The following TLK1 variants were observed in gnomAD, a reference collection of about 807,000 sequenced individuals.
TLK1 encodes serine/threonine-protein kinase tousled-like 1.
A neutral mutation model predicts 105.3 loss-of-function variants in TLK1; 24 were observed. That is an observed-to-expected ratio of 0.23 (90% CI 0.17 to 0.32). TLK1 has a LOEUF of 0.32. Ranked by LOEUF, TLK1 falls within the 10% of genes least tolerant of loss-of-function variation. The probability of loss-of-function intolerance (pLI) is 1.00; values close to 1 mark genes in which losing one functional copy is unlikely to be tolerated. For synonymous variants in TLK1, 321 were observed against 310.4 expected (o/e 1.03, Z -0.36); for missense variants, 558 against 910.5 (o/e 0.61, Z 4.98).
intron 3 of TLK1, among the ~76,000 whole-genome samples, chr2:171,080,782 A>G (rs1302224049): frequency 6.6e-6 from 1 of 151,208 alleles, no homozygotes; most frequent in Admixed American, 6.6e-5. Flanking sequence ...ATCATGGCTC[A>G]TTGCAGCTTC....
chr2:171,128,445 A>G (rs981597165), intron 1 of TLK1, among the ~76,000 whole-genome samples: 2 of 152,198 alleles, frequency 1.3e-5, no homozygotes, highest in Non-Finnish European at 2.9e-5. Flanking sequence ...ATAAGTTTCT[A>G]TGAATAGTTT....
chr2:171,006,837 C>T lies in TLK1; in HGVS notation c.1561G>A (p.Val521Ile). The T allele has an allele frequency of 6.2e-7, 1 of 1,613,202 alleles. No homozygotes were observed. The highest frequency in any genetic ancestry group is 1.3e-5 in the African/African-American group (1 of 75,004). Residue 521 changes from valine to isoleucine, a missense_variant, in exon 16 of 21, where the codon GTT becomes ATT. Transcript: ENST00000431350. Reference sequence around the variant, plus strand: ...AAGGAGAAATAATCATAGAGTTTAACTATTCTGGGGTGATCCAGTTCTTTG... The same window carrying T: ...AAGGAGAAATAATCATAGAGTTTAATTATTCTGGGGTGATCCAGTTCTTTG... ...IHKELDHPRI[V>I]KLYDYFSLDT... is the part of the protein sequence containing the mutation.
intron 18 of TLK1, among the ~76,000 whole-genome samples, chr2:170,999,341 A>T (rs964770292): frequency 1.3e-5 from 2 of 152,250 alleles, no homozygotes; most frequent in African/African-American, 4.8e-5. Flanking sequence ...ACCAGCAAAG[A>T]TAACCAATAA....
At chr2:171,036,376 G>A (rs537122728) in intron 11 of TLK1, among the ~76,000 whole-genome samples, 5 of 152,226 alleles carry the variant, frequency 3.3e-5, no homozygotes, top group South Asian at 2.1e-4. Context: ...AACCCAGAGC[G>A]AGACTCTGTC....
intron 1 of TLK1, among the ~76,000 whole-genome samples, chr2:171,216,341 T>A (rs1693713244): frequency 6.6e-6 from 1 of 151,750 alleles, no homozygotes; most frequent in African/African-American, 2.4e-5. Context: ...CCGGGTGTGG[T>A]GGTGGGCGCC....
At chr2:171,042,750 G>C (rs1322634359) in intron 11 of TLK1, among the ~76,000 whole-genome samples, 2 of 151,502 alleles carry the variant, frequency 1.3e-5, no homozygotes, top group Non-Finnish European at 2.9e-5. Flanking sequence ...TCCTTTTGAA[G>C]ACAGCATTTA....
chr2:171,122,319 G>A (rs561820596), intron 1 of TLK1, among the ~76,000 whole-genome samples: 1 of 152,214 alleles, frequency 6.6e-6, no homozygotes, highest in East Asian at 1.9e-4. Context: ...GTAATTCCTG[G>A]CACATAATAG....
chr2:171,011,806 T>C (rs1361611782), intron 13 of TLK1, among the ~76,000 whole-genome samples: 2 of 152,210 alleles, frequency 1.3e-5, no homozygotes, highest in Non-Finnish European at 2.9e-5. Context: ...GACTTTTATA[T>C]TGGGAGTTAT....
intron 10 of TLK1, among the ~76,000 whole-genome samples, chr2:171,048,791 A>G (rs1687084433): frequency 6.6e-6 from 1 of 152,242 alleles, no homozygotes; most frequent in South Asian, 2.1e-4. Context: ...GTGTGATACC[A>G]TGTGAAAGTA....
At chr2:171,082,297 G>A (rs1224024967) in intron 3 of TLK1, among the ~76,000 whole-genome samples, 1 of 151,728 alleles carries the variant, frequency 6.6e-6, no homozygotes, top group African/African-American at 2.4e-5. Flanking sequence ...GGATTAAGAG[G>A]GGAGGGAATT....
chr2:171,050,275 A>G, intron 8 of TLK1, 101 bp from the exon 9 acceptor site: 1 of 699,438 alleles, frequency 1.4e-6, no homozygotes, highest in African/African-American at 1.8e-5. Flanking sequence ...GATAGGACTA[A>G]TAATATTAAA....
intron 2 of TLK1, among the ~76,000 whole-genome samples, chr2:171,104,104 C>T (rs140386670): frequency 2.7e-3 from 407 of 151,678 alleles, no homozygotes; most frequent in Non-Finnish European, 4.1e-3. Flanking sequence ...GGTGAAATGC[C>T]GTCTCTACTA....
chr2:171,035,291 G>A (rs541406434), intron 11 of TLK1, among the ~76,000 whole-genome samples: 8 of 151,900 alleles, frequency 5.3e-5, no homozygotes, highest in South Asian at 4.2e-4. Context: ...GCGGTGAGCC[G>A]AGATCTTGAC....
intron 1 of TLK1, among the ~76,000 whole-genome samples, chr2:171,213,713 C>G (rs1284061633): frequency 6.7e-6 from 1 of 148,360 alleles, no homozygotes; most frequent in East Asian, 2.1e-4. Context: ...TCACTTGACC[C>G]CTGGAGTTTG....
chr2:171,195,501 C>CAAA (rs55835853), intron 1 of TLK1, among the ~76,000 whole-genome samples: 76 of 65,738 alleles, frequency 1.2e-3, no homozygotes, highest in Non-Finnish European at 1.7e-3. Context: ...GACTCTGTCT[C>CAAA]AAAAAAAAAA....
chr2:171,128,985 TGTGTGTGTGC>T (rs1205389786), intron 1 of TLK1, among the ~76,000 whole-genome samples: 1 of 152,062 alleles, frequency 6.6e-6, no homozygotes, highest in Admixed American at 6.6e-5. Flanking sequence ...TGTGTGTGTA[TGTGTGTGTGC>T]ACGTGTCCGT....
Position 170,990,904 on chromosome 2 carries a change from G to A in TLK1, c.*2876C>T, listed in dbSNP as rs1221615940. The A allele has an allele frequency of 6.6e-6, 1 of 151,882 alleles. No individual in the cohort carries two copies. Among genetic ancestry groups the A allele is most frequent in the Non-Finnish European group, 1.5e-5 (1 of 68,016 alleles). The allele number at this position is 151,882 out of a possible 1,614,324, so 9.4% of individuals were successfully genotyped here. A position where few individuals can be genotyped will look rare whatever the true frequency, so the allele number is the denominator to read the frequency against. On this transcript the variant is annotated 3_prime_UTR_variant, in exon 21 of 21. Transcript: ENST00000431350. ...TATACTCTTTAAATGTTTCACTGAAGCTCTTCACCATTTTGACTTCATGTA... is the reference window on the plus strand; with the variant it reads ...TATACTCTTTAAATGTTTCACTGAAACTCTTCACCATTTTGACTTCATGTA...
intron 1 of TLK1, among the ~76,000 whole-genome samples, chr2:171,149,099 CT>C (rs11335300): frequency 0.29 from 16,991 of 58,174 alleles, 1,515 homozygotes; most frequent in African/African-American, 0.37. Flanking sequence ...AATTACTTTT[CT>C]TTTTTTTTTT....
intron 12 of TLK1, among the ~76,000 whole-genome samples, chr2:171,017,958 TG>T (rs1685288002): frequency 6.6e-6 from 1 of 152,216 alleles, no homozygotes; most frequent in African/African-American, 2.4e-5. Context: ...GACACACTTC[TG>T]GGGGAAAGGT....
Sources: gnomAD v4.1 joint callset for allele counts (sites outside exome capture counted in the v4.1 genomes callset) on GRCh38, gnomAD v4.1.1 for gene constraint, MANE v1.5 for transcripts, NCBI Gene and HGNC (gene_info 2026-07-23, HGNC 2026-07-21) for gene names.